The following TLN1 variants were observed in gnomAD, a reference collection of about 807,000 sequenced individuals.
TLN1 encodes the protein talin-1.
A neutral mutation model predicts 292.3 loss-of-function variants in TLN1; 56 were observed. The ratio of observed to expected loss-of-function variants is 0.19; its 90% confidence interval spans 0.15 to 0.24. The LOEUF (loss-of-function observed/expected upper bound fraction) is 0.24, where lower values mean the gene tolerates loss of function less well. Among genes scored for constraint, TLN1 ranks in the 10% least tolerant of loss-of-function variants. TLN1 has a pLI of 1.00. For synonymous variants in TLN1, 1,119 were observed against 1,253.7 expected (o/e 0.89, Z 2.27); for missense variants, 2,433 against 3,248.2 (o/e 0.75, Z 6.10).
chr9:35,712,073 C>T lies in TLN1; in HGVS notation c.3613G>A (p.Gly1205Ser). 1 of 1,614,066 alleles carries T rather than the reference C, an allele frequency of 6.2e-7. No individual in the cohort carries two copies. Among genetic ancestry groups the T allele is most frequent in the Non-Finnish European group, 8.5e-7 (1 of 1,180,012 alleles). Residue 1205 changes from glycine to serine, a missense_variant, in exon 28 of 57, where the codon GGC (glycine) becomes AGC (serine). This residue lies in a region of TLN1 where 1,384 missense variants were observed against 1,699.6 expected (regional missense o/e 0.81). Transcript: ENST00000314888. Reference sequence around the variant, plus strand: ...AGGGCATTATCCACATCGCGCTGGCCAGGTAGGCAGCTGACACAGCGGTTC... The same window carrying T: ...AGGGCATTATCCACATCGCGCTGGCTAGGTAGGCAGCTGACACAGCGGTTC... ...ALNRCVSCLP[G>S]QRDVDNALRA...
Position 35,699,669 on chromosome 9 carries a change from G to A in TLN1, c.6769-208C>T. ...AGTGGGGCTGTGTCACTCACCGGCT[G>A]ACAAGGAGCAAGGAGAATGATGAGA... On this transcript the variant is annotated intron_variant, in intron 50 of 56. Coordinates refer to ENST00000314888, the MANE Select transcript of TLN1 (RefSeq NM_006289.4). The surrounding 1 kb of genome is among the most constrained non-coding windows in gnomAD (Gnocchi z 4.0). 3 of 985,394 alleles carry A rather than the reference G, an allele frequency of 3.0e-6. No individual in the cohort carries two copies. The highest frequency in any genetic ancestry group is 3.6e-6 in the Non-Finnish European group (3 of 829,930). The allele number at this position is 985,394 out of a possible 1,614,324, so 61.0% of individuals were successfully genotyped here.
chr9:35,722,315 T>A, intron 8 of TLN1, 92 bp from the exon 9 acceptor site: 1 of 1,103,352 alleles, frequency 9.1e-7, no homozygotes, highest in African/African-American at 1.5e-5. Context: ...GAGAGAATTA[T>A]GGGGACACTG....
intron 9 of TLN1, 107 bp from the exon 10 acceptor site, chr9:35,721,910 T>C: frequency 6.9e-7 from 1 of 1,457,510 alleles, no homozygotes; most frequent in Non-Finnish European, 9.5e-7. Flanking sequence ...CCGGGAGGGC[T>C]AACGGACAAG....
Position 35,718,856 on chromosome 9 carries a change from G to A in TLN1, c.1951C>T (p.Leu651=). ...AGNVGQASGE[L]LQQIGESDTD... The stretch of plus-strand genomic sequence containing the variant: ...TCACTTTCCCCAATTTGTTGCAACA[G>A]CTCCCCACTGGCCTGGCCCACGTTC... The change falls in exon 17 of 57, where the codon CTG becomes TTG. Residue 651 remains leucine (L), a synonymous_variant. Transcript: ENST00000314888. 6.2e-7 allele frequency: 1 copy of A among 1,613,758 alleles called. No individual in the cohort carries two copies. Among genetic ancestry groups the A allele is most frequent in the Middle Eastern group, 1.7e-4 (1 of 6,044 alleles).
Position 35,706,553 on chromosome 9 carries a change from TGGG to T in TLN1, c.5089-5_5089-3del. On this transcript the variant is annotated splice_region_variant and splice_polypyrimidine_tract_variant and intron_variant, in intron 38 of 56. Transcript: ENST00000314888. This position sits in a 1 kb window ranked among gnomAD's most constrained non-coding sequence, Gnocchi z 4.2. ...AGTGAGCATCTGAGTGTGCAAGGCC[TGGG>T]GAGGAAGTGGACATTAGCCCTGATG... is the stretch of plus-strand genomic sequence containing the variant. 3 of 1,613,830 alleles carry T rather than the reference TGGG, an allele frequency of 1.9e-6. No homozygotes were observed. Among genetic ancestry groups the T allele is most frequent in the Non-Finnish European group, 2.5e-6 (3 of 1,179,930 alleles).
intron 48 of TLN1, among the ~76,000 whole-genome samples, chr9:35,702,066 G>A (rs1369444527): frequency 6.6e-6 from 1 of 152,184 alleles, no homozygotes; most frequent in Non-Finnish European, 1.5e-5. Flanking sequence ...GCCAAATTGC[G>A]GGAGAGTATG....
In TLN1 at chr9:35,699,568, C is replaced by A; in HGVS notation, c.6769-107G>T. On this transcript the variant is annotated intron_variant, in intron 50 of 56. Coordinates refer to ENST00000314888, the MANE Select transcript of TLN1 (RefSeq NM_006289.4). This position sits in a 1 kb window ranked among gnomAD's most constrained non-coding sequence, Gnocchi z 4.0. ...CCCTCACCCCTATCCCTAGAGCACT[C>A]CACACCATAGCCCTCAAACTCCACG... 1 of 1,453,702 alleles carries A rather than the reference C, an allele frequency of 6.9e-7. No homozygotes were observed. The highest frequency in any genetic ancestry group is 9.1e-7 in the Non-Finnish European group (1 of 1,102,070). 90.1% of individuals were successfully genotyped at this position (1,453,702 alleles called of 1,614,324 possible).
Position 35,714,177 on chromosome 9 carries a change from C to T in TLN1, c.3120+62G>A. On this transcript the variant is annotated intron_variant, in intron 24 of 56. Coordinates refer to ENST00000314888, the MANE Select transcript of TLN1 (RefSeq NM_006289.4). The surrounding 1 kb of genome is among the most constrained non-coding windows in gnomAD (Gnocchi z 4.6). ...TATCTGCGTATTGGGTTATTCTGCA[C>T]AGATTTCCTCTCATCACAGGACTCC... The T allele has an allele frequency of 6.3e-7, 1 of 1,596,380 alleles. No homozygotes were observed. Among genetic ancestry groups the T allele is most frequent in the Admixed American group, 1.7e-5 (1 of 59,256 alleles).
intron 34 of TLN1, 49 bp downstream of exon 34, chr9:35,708,292 G>A (rs764617179): frequency 1.9e-5 from 30 of 1,541,580 alleles, no homozygotes; most frequent in East Asian, 1.9e-4. Flanking sequence ...CCACGGGGTC[G>A]GTCTGCCCTT....
In TLN1 at chr9:35,716,413, C is replaced by T; in HGVS notation, c.2602G>A (p.Ala868Thr). The T allele has an allele frequency of 6.2e-7, 1 of 1,614,204 alleles. No individual in the cohort carries two copies. The highest frequency in any genetic ancestry group is 8.5e-7 in the Non-Finnish European group (1 of 1,180,040). Residue 868 changes from alanine to threonine, a missense_variant, in exon 20 of 57, where the codon GCC becomes ACC. Physicochemically the swap from Ala to Thr is moderately conservative, Grantham distance 58. This residue lies in a region of TLN1 where 617 missense variants were observed against 770.6 expected (regional missense o/e 0.80). Coordinates refer to ENST00000314888, the MANE Select transcript of TLN1 (RefSeq NM_006289.4). ...ACCTTGGCAGCCTCTACCATCTTGG[C>T]TGTGGCATCAGCTAGGATCTTGGCA... Reference protein sequence around the residue: ...SAAKILADATAKMVEAAKGAA... With the variant: ...SAAKILADATTKMVEAAKGAA...
rs1825393501 is a variant in TLN1 at position 35,697,841 on chromosome 9, G to A, written c.7576C>T (p.Arg2526Trp). Reference protein sequence around the residue: ...EEARKKLAQIRQQQYKFLPSE... With the variant: ...EEARKKLAQIWQQQYKFLPSE... ...GGCAGAAACTTGTACTGCTGCTGCC[G>A]GATCTGGGCCAGTTTCTTCCGCGCC... Residue 2526 changes from arginine (R) to tryptophan (W), a missense_variant, in exon 57 of 57, where the codon CGG becomes TGG. This residue lies in a region of TLN1 where 141 missense variants were observed against 248.5 expected (regional missense o/e 0.57). Transcript: ENST00000314888. The A allele has an allele frequency of 1.9e-6, 3 of 1,614,050 alleles. No individual in the cohort carries two copies. The highest frequency in any genetic ancestry group is 1.3e-5 in the African/African-American group (1 of 74,916).
At chr9:35,721,901 CG>C in intron 9 of TLN1, 98 bp from the exon 10 acceptor site, 1 of 1,496,628 alleles carries the variant, frequency 6.7e-7, no homozygotes, top group Non-Finnish European at 9.2e-7. Flanking sequence ...TTGAGGTGGC[CG>C]GGAGGGCTAA....
In TLN1 at chr9:35,704,050, G is replaced by C; in HGVS notation, c.6172C>G (p.Leu2058Val). The C allele has an allele frequency of 6.2e-7, 1 of 1,613,884 alleles. No individual in the cohort carries two copies. The highest frequency in any genetic ancestry group is 8.5e-7 in the Non-Finnish European group (1 of 1,179,924). ...GCACCCAGCTTGACCACATCAGCGA[G>C]GCGGGTGATGGTCGCCACGGAGGAC... ...AQSSVATITR[L>V]ADVVKLGAAS... The change falls in exon 46 of 57, where the codon CTC (leucine) becomes GTC (valine). Residue 2058 changes from leucine (L) to valine (V), a missense_variant. This residue lies in a region of TLN1 where 1,384 missense variants were observed against 1,699.6 expected (regional missense o/e 0.81). Coordinates refer to ENST00000314888, the MANE Select transcript of TLN1 (RefSeq NM_006289.4). This position sits in a 1 kb window ranked among gnomAD's most constrained non-coding sequence, Gnocchi z 6.9.
chr9:35,712,780 T>TG, intron 27 of TLN1, 55 bp downstream of exon 27: 1 of 1,485,140 alleles, frequency 6.7e-7, no homozygotes, highest in Non-Finnish European at 9.1e-7. Flanking sequence ...TCAATCAGGG[T>TG]GGGCCTTATG....
At chr9:35,710,953 C>A in intron 31 of TLN1, 36 bp downstream of exon 31, 1 of 1,613,958 alleles carries the variant, frequency 6.2e-7, no homozygotes, top group Admixed American at 1.7e-5. Flanking sequence ...GAACACTTCC[C>A]TCAACCTCAA....
intron 1 of TLN1, among the ~76,000 whole-genome samples, chr9:35,731,704 C>T (rs1378019435): frequency 3.3e-5 from 5 of 152,124 alleles, no homozygotes. Context: ...GTTTTAACCC[C>T]AGCTTTTAAC....
chr9:35,703,431 A>T lies in TLN1; in HGVS notation c.6474+129T>A, dbSNP rs556547308. On this transcript the variant is annotated intron_variant, in intron 48 of 56. Coordinates refer to ENST00000314888, the MANE Select transcript of TLN1 (RefSeq NM_006289.4). The stretch of plus-strand genomic sequence containing the variant: ...AGAGCAAGACCCTTCTCAAAAAAAA[A>T]GTCTGGCGATAGATGAGAGAGAAGA... 308 of 867,540 alleles carry T rather than the reference A, an allele frequency of 3.6e-4. 2 individuals carry two copies. The African/African-American group carries it at 4.4e-3, about 12-fold the overall frequency. The allele number at this position is 867,540 out of a possible 1,614,324, so 53.7% of individuals were successfully genotyped here. A position where few individuals can be genotyped will look rare whatever the true frequency, so the allele number is the denominator to read the frequency against.
chr9:35,704,430 G>A lies in TLN1; in HGVS notation c.5949C>T (p.Ser1983=), dbSNP rs776936711. 5.6e-6 allele frequency: 9 copies of A among 1,614,076 alleles called. No individual in the cohort carries two copies. Among genetic ancestry groups the A allele is most frequent in the Non-Finnish European group, 6.8e-6 (8 of 1,180,034 alleles). ...RGTQACITAA[S]AVSGIIADLD... is the part of the protein sequence containing the mutation. The stretch of plus-strand genomic sequence containing the variant: ...GGTCAGCAATGATACCAGACACAGC[G>A]CTGGCTGCTGTGATGCAGGCCTGGG... The change falls in exon 45 of 57, where the codon AGC becomes AGT. Residue 1983 remains serine, a synonymous_variant. Transcript: ENST00000314888. This position sits in a 1 kb window ranked among gnomAD's most constrained non-coding sequence, Gnocchi z 6.9.
Position 35,697,862 on chromosome 9 carries a change from G to T in TLN1, c.7555C>A (p.Arg2519=), listed in dbSNP as rs1394876123. 3 of 1,614,056 alleles carry T rather than the reference G, an allele frequency of 1.9e-6. No homozygotes were observed. The African/African-American group carries it at 4.0e-5, about 22-fold the overall frequency. Residue 2519 remains arginine (R), a synonymous_variant, in exon 57 of 57, where the codon CGG becomes AGG. Transcript: ENST00000314888. ...LRKERELEEA[R]KKLAQIRQQQ... ...TGCCGGATCTGGGCCAGTTTCTTCC[G>T]CGCCTCTTCCAGCTCTCGTTCCTTC...
Sources: gnomAD v4.1 joint callset for allele counts (sites outside exome capture counted in the v4.1 genomes callset) on GRCh38, gnomAD v4.1.1 for gene constraint, gnomAD v4.1.1 regional missense constraint, Gnocchi (gnomAD v3.1) non-coding constraint, MANE v1.5 for transcripts, NCBI Gene and HGNC (gene_info 2026-07-23, HGNC 2026-07-21) for gene names.